Variants in EYS observed in about 807,000 individuals in gnomAD.
The protein encoded by EYS is EGF-like photoreceptor maintenance factor.
EYS carries 250 observed loss-of-function variants against 282.1 expected under a neutral mutation model. The observed-to-expected ratio is 0.89, with a 90% CI of 0.80 to 0.98. The LOEUF (loss-of-function observed/expected upper bound fraction) is 0.98. Ranked by LOEUF, EYS falls within the 50% of genes least tolerant of loss-of-function variation. EYS has a pLI of 0.00. For missense variants in EYS, 4,016 were observed against 3,709.0 expected, an observed-to-expected ratio of 1.08 and a Z score of -2.15; for synonymous variants, 1,355 against 1,282.9, an observed-to-expected ratio of 1.06 and a Z score of -1.20.
intron 19 of EYS, among the ~76,000 whole-genome samples, chr6:64,829,325 C>T (rs117433368): frequency 0.041 from 6,260 of 152,038 alleles, 167 homozygotes; most frequent in East Asian, 0.1. Context: ...AATATGGAGG[C>T]CTGTGCATGG....
At chr6:65,132,337 G>A (rs2150203194) in intron 12 of EYS, among the ~76,000 whole-genome samples, 1 of 152,006 alleles carries the variant, frequency 6.6e-6, no homozygotes, top group South Asian at 2.1e-4. Flanking sequence ...ATCAAATCCA[G>A]CAGCATATGA....
chr6:65,132,152 G>T (rs1775897719), intron 12 of EYS, among the ~76,000 whole-genome samples: 1 of 151,286 alleles, frequency 6.6e-6, no homozygotes, highest in South Asian at 2.1e-4. Flanking sequence ...AGGAAGAGCT[G>T]ATTCCTACTG....
chr6:63,953,744 C>A (rs1765695970), intron 35 of EYS, among the ~76,000 whole-genome samples: 1 of 152,108 alleles, frequency 6.6e-6, no homozygotes, highest in Non-Finnish European at 1.5e-5. Context: ...CCCATACTAG[C>A]TCTCCCTAAC....
intron 26 of EYS, among the ~76,000 whole-genome samples, chr6:64,466,671 T>G (rs1315604479): frequency 6.6e-6 from 1 of 152,122 alleles, no homozygotes; most frequent in Non-Finnish European, 1.5e-5. Flanking sequence ...ATATCTATTG[T>G]ACAAAATGGT....
At chr6:64,894,311 T>C (rs9345569) in intron 18 of EYS, among the ~76,000 whole-genome samples, 126,378 of 152,054 alleles carry the variant, frequency 0.83, 52,520 homozygotes, top group East Asian at 0.85. Context: ...TAAGAATGCA[T>C]AGACTATTGG....
At chr6:63,771,307 A>G (rs1712332068) in intron 40 of EYS, among the ~76,000 whole-genome samples, 1 of 152,186 alleles carries the variant, frequency 6.6e-6, no homozygotes, top group African/African-American at 2.4e-5. Context: ...AGCAAAGGAC[A>G]GAAGACAAAA....
intron 15 of EYS, among the ~76,000 whole-genome samples, chr6:64,931,259 T>C (rs1222551850): frequency 1.3e-5 from 2 of 152,126 alleles, no homozygotes; most frequent in Admixed American, 1.3e-4. Context: ...AAATATGCAA[T>C]TTTAAGTGTT....
intron 11 of EYS, among the ~76,000 whole-genome samples, chr6:65,327,617 C>A (rs1405733013): frequency 6.6e-6 from 1 of 151,474 alleles, no homozygotes; most frequent in Admixed American, 6.6e-5. Flanking sequence ...TTACTTCATA[C>A]AATGGAATTC....
At chr6:65,223,844 C>G (rs1454743248) in intron 12 of EYS, among the ~76,000 whole-genome samples, 1 of 152,140 alleles carries the variant, frequency 6.6e-6, no homozygotes, top group African/African-American at 2.4e-5. Context: ...AGTTGGTCCA[C>G]CACATATAAG....
chr6:64,352,555 T>C (rs937186657), intron 29 of EYS, among the ~76,000 whole-genome samples: 2 of 151,554 alleles, frequency 1.3e-5, no homozygotes, highest in African/African-American at 4.8e-5. Flanking sequence ...CACAAATGTA[T>C]GCCTGTCTTT....
At chr6:65,127,984 T>C (rs1775767913) in intron 12 of EYS, among the ~76,000 whole-genome samples, 1 of 151,976 alleles carries the variant, frequency 6.6e-6, no homozygotes, top group Admixed American at 6.6e-5. Context: ...ATAATAATAA[T>C]AACTTACATG....
At chr6:65,223,489 A>C (rs1315038258) in intron 12 of EYS, among the ~76,000 whole-genome samples, 2 of 152,196 alleles carry the variant, frequency 1.3e-5, no homozygotes, top group Admixed American at 6.5e-5. Context: ...CTATTTGTGG[A>C]GATAAGTGGT....
intron 12 of EYS, among the ~76,000 whole-genome samples, chr6:65,185,734 C>T (rs1361844992): frequency 4.0e-5 from 6 of 151,660 alleles, no homozygotes; most frequent in Non-Finnish European, 7.4e-5. Flanking sequence ...GGGCACAGTT[C>T]ATCAAGGAAA....
At chr6:64,835,039 TTA>T (rs998894371) in intron 19 of EYS, among the ~76,000 whole-genome samples, 5 of 151,672 alleles carry the variant, frequency 3.3e-5, no homozygotes, top group African/African-American at 1.2e-4. Context: ...AGATGTAAAG[TTA>T]TAGTTTTGTA....
At chr6:64,697,143 C>G (rs1770609119) in intron 22 of EYS, among the ~76,000 whole-genome samples, 1 of 152,036 alleles carries the variant, frequency 6.6e-6, no homozygotes, top group African/African-American at 2.4e-5. Context: ...CATGAATCAA[C>G]TACATGCTGC....
chr6:65,552,953 T>A (rs186955158), intron 2 of EYS, among the ~76,000 whole-genome samples: 1 of 152,256 alleles, frequency 6.6e-6, no homozygotes, highest in Non-Finnish European at 1.5e-5. Flanking sequence ...ATGAAAAATA[T>A]ATTCACTATC....
chr6:64,177,733 CTTTG>C (rs1296237027), intron 31 of EYS, among the ~76,000 whole-genome samples: 1 of 152,044 alleles, frequency 6.6e-6, no homozygotes, highest in African/African-American at 2.4e-5. Context: ...ATTTTCCATA[CTTTG>C]TTTTTTTTCT....
chr6:63,901,277 A>G (rs1773651881), intron 35 of EYS, among the ~76,000 whole-genome samples: 1 of 152,238 alleles, frequency 6.6e-6, no homozygotes. Context: ...AGAAACTGAG[A>G]TGTTAGAAGA....
At chr6:65,578,793 T>C (rs924764513) in intron 2 of EYS, among the ~76,000 whole-genome samples, 1 of 152,062 alleles carries the variant, frequency 6.6e-6, no homozygotes, top group African/African-American at 2.4e-5. Flanking sequence ...TTTAATTTAA[T>C]CTTGCAACAA....
Sources: allele counts gnomAD v4.1 joint callset (sites outside exome capture counted in the v4.1 genomes callset), GRCh38; gene constraint gnomAD v4.1.1; transcripts MANE v1.5; gene names NCBI Gene and HGNC (gene_info 2026-07-23, HGNC 2026-07-21).